The following WWOX variants were observed in gnomAD, a reference collection of about 807,000 sequenced individuals.
The protein encoded by WWOX is WW domain-containing oxidoreductase.
In WWOX, 69 loss-of-function variants were observed where a neutral mutation model predicts 46.2. The ratio of observed to expected loss-of-function variants is 1.49; its 90% CI spans 1.23 to 1.82. WWOX has a LOEUF of 1.82. WWOX is among the 40% of genes most tolerant of loss of function. WWOX has a pLI of 0.00. For missense variants in WWOX, 919 were observed against 542.6 expected (o/e 1.69, Z -6.89); for synonymous variants, 359 against 202.6 (o/e 1.77, Z -6.56).
intron 8 of WWOX, among the ~76,000 whole-genome samples, chr16:78,581,064 A>AT (rs1011166796): frequency 3.3e-4 from 49 of 150,306 alleles, no homozygotes; most frequent in South Asian, 1.3e-3. Flanking sequence ...AGAGTGGTTG[A>AT]TTTTTTTTTT....
In WWOX at chr16:78,179,100, A is replaced by T. The variant is rs191111619; in HGVS notation, c.516+14811A>T. Among the ~76,000 whole-genome samples, 299 of 152,256 alleles carry T rather than the reference A, an allele frequency of 2.0e-3. 1 individual carries two copies. The highest frequency in any genetic ancestry group is 5.7e-3 in the African/African-American group (238 of 41,558). ...TCCTCAAAGACTTGCCAACATAGAC[A>T]TTTTTGGGGAGACAGAAACACAGAA... On this transcript the variant is annotated intron_variant, in intron 5 of 8. Coordinates refer to ENST00000566780, the MANE Select transcript of WWOX (RefSeq NM_016373.4).
intron 4 of WWOX, among the ~76,000 whole-genome samples, chr16:78,144,486 TACAC>T (rs1215643920): frequency 3.5e-4 from 7 of 19,838 alleles, no homozygotes; most frequent in Admixed American, 8.4e-4. Context: ...TATATATATA[TACAC>T]ACACACACAC....
chr16:78,710,491 TATATATA>T (rs2048419284), intron 8 of WWOX, among the ~76,000 whole-genome samples: 2 of 135,626 alleles, frequency 1.5e-5, no homozygotes, highest in Admixed American at 7.7e-5. Flanking sequence ...TATATATATA[TATATATA>T]TTTATATAAA....
intron 5 of WWOX, among the ~76,000 whole-genome samples, chr16:78,332,311 A>G (rs1239176805): frequency 1.3e-5 from 2 of 152,202 alleles, no homozygotes; most frequent in East Asian, 3.9e-4. Flanking sequence ...CCAGAGAATT[A>G]TTTGACTAGT....
chr16:78,810,677 C>T (rs530065134), intron 8 of WWOX, among the ~76,000 whole-genome samples: 66 of 152,260 alleles, frequency 4.3e-4, no homozygotes, highest in African/African-American at 1.5e-3. Flanking sequence ...CTGCCTAATG[C>T]TGATTGAAGC....
At chr16:79,080,344 A>G (rs2048737042) in intron 8 of WWOX, among the ~76,000 whole-genome samples, 1 of 151,722 alleles carries the variant, frequency 6.6e-6, no homozygotes, top group African/African-American at 2.4e-5. Flanking sequence ...AGCTATTTGT[A>G]TTCCTCTGTG....
rs71140849 is a variant in WWOX, at chr16:78,967,286, C to CT, written c.1057-244295dup. The stretch of plus-strand genomic sequence containing the variant: ...GGCAACTACTCCTGCCTGCCGAGGC[C>CT]TTTTTTTTTTTTTTTTTTTTTTTTT... On this transcript the variant is annotated intron_variant, in intron 8 of 8. Coordinates refer to ENST00000566780, the MANE Select transcript of WWOX (RefSeq NM_016373.4). Among the ~76,000 whole-genome samples the CT allele has an allele frequency of 7.5e-3, 426 of 56,848 alleles. 73 individuals are homozygous for CT. The highest frequency in any genetic ancestry group is 0.013 in the African/African-American group (166 of 12,486). 37.3% of individuals were successfully genotyped at this position (56,848 alleles called of 152,430 possible). A position where few individuals can be genotyped will look rare whatever the true frequency, so the allele number is the denominator to read the frequency against.
At chr16:78,136,655 G>T (rs944137019) in intron 4 of WWOX, among the ~76,000 whole-genome samples, 3 of 152,194 alleles carry the variant, frequency 2.0e-5, no homozygotes, top group African/African-American at 7.2e-5. Context: ...AGCACAGGTT[G>T]GTTCGTTAAC....
At chr16:79,133,294 A>G (rs972933228) in intron 8 of WWOX, among the ~76,000 whole-genome samples, 7 of 152,172 alleles carry the variant, frequency 4.6e-5, no homozygotes, top group Admixed American at 3.9e-4. Context: ...TACTTTCGTC[A>G]ATGAGACGCC....
intron 8 of WWOX, among the ~76,000 whole-genome samples, chr16:78,571,034 G>A (rs1036629162): frequency 2.0e-5 from 3 of 152,160 alleles, no homozygotes; most frequent in African/African-American, 7.2e-5. Context: ...CATGTAATCT[G>A]TGATTTTTAA....
intron 8 of WWOX, among the ~76,000 whole-genome samples, chr16:79,010,482 A>T (rs1426136964): frequency 6.6e-6 from 1 of 152,158 alleles, no homozygotes; most frequent in African/African-American, 2.4e-5. Flanking sequence ...TGATGGCGGG[A>T]CAGCTCCAGG....
intron 5 of WWOX, among the ~76,000 whole-genome samples, chr16:78,314,586 G>A (rs1198416898): frequency 3.4e-5 from 5 of 145,290 alleles, no homozygotes; most frequent in African/African-American, 5.1e-5. Context: ...GTGTAATGGC[G>A]TGATACTGGC....
At chr16:78,909,918 T>C (rs548306142) in intron 8 of WWOX, among the ~76,000 whole-genome samples, 1 of 152,202 alleles carries the variant, frequency 6.6e-6, no homozygotes, top group South Asian at 2.1e-4. Flanking sequence ...GTCAAGCTAA[T>C]TGTAATGATA....
chr16:78,872,419 G>A (rs1345393590), intron 8 of WWOX, among the ~76,000 whole-genome samples: 1 of 152,118 alleles, frequency 6.6e-6, no homozygotes, highest in African/African-American at 2.4e-5. Flanking sequence ...TTTTAAAGAA[G>A]GGAGTTAAAG....
chr16:78,842,271 A>G (rs1286834813), intron 8 of WWOX, among the ~76,000 whole-genome samples: 1 of 149,890 alleles, frequency 6.7e-6, no homozygotes, highest in Admixed American at 6.7e-5. Flanking sequence ...AGGCAGGAGG[A>G]TTGCTTGAGG....
chr16:78,509,938 A>AAG (rs1486878451), intron 8 of WWOX, among the ~76,000 whole-genome samples: 4 of 150,880 alleles, frequency 2.7e-5, no homozygotes, highest in Admixed American at 6.6e-5. Context: ...AAAAAAAAAA[A>AAG]AAAGAAAGAA....
chr16:78,497,324 G>A (rs1006899813), intron 8 of WWOX, among the ~76,000 whole-genome samples: 1 of 152,134 alleles, frequency 6.6e-6, no homozygotes, highest in Non-Finnish European at 1.5e-5. Context: ...AACTCAAAGT[G>A]GATTGGAGAC....
intron 6 of WWOX, among the ~76,000 whole-genome samples, chr16:78,404,452 C>T (rs1011947368): frequency 6.6e-6 from 1 of 152,002 alleles, no homozygotes; most frequent in Admixed American, 6.6e-5. Flanking sequence ...CAGAAAGAAC[C>T]AATTCCCTCT....
At chr16:79,016,331 G>C (rs1018907640) in intron 8 of WWOX, 1 of 152,204 alleles carries the variant, frequency 6.6e-6, no homozygotes, top group South Asian at 2.1e-4. Flanking sequence ...CAGTTGGGTG[G>C]TTGCTCCTCC....
Sources: gnomAD v4.1 joint callset for allele counts (sites outside exome capture counted in the v4.1 genomes callset) on GRCh38, gnomAD v4.1.1 for gene constraint, MANE v1.5 for transcripts, NCBI Gene and HGNC (gene_info 2026-07-23, HGNC 2026-07-21) for gene names.